The following NT5DC2 variants were observed in gnomAD, a reference collection of about 807,000 sequenced individuals.
NT5DC2 encodes 5'-nucleotidase domain-containing protein 2.
Under a neutral mutation model 70.0 loss-of-function variants are expected in NT5DC2, and 41 were observed. The ratio of observed to expected loss-of-function variants is 0.59; its 90% CI spans 0.46 to 0.76. The LOEUF (loss-of-function observed/expected upper bound fraction) is 0.76, where lower values mean the gene tolerates loss of function less well. Among genes scored for constraint, NT5DC2 ranks in the 30% least tolerant of loss-of-function variants. The pLI is 0.00. For synonymous variants in NT5DC2, 299 were observed against 310.4 expected, an observed-to-expected ratio of 0.96 and a Z score of 0.39; for missense variants, 705 against 783.2, an observed-to-expected ratio of 0.90 and a Z score of 1.19.
intron 1 of NT5DC2, among the ~76,000 whole-genome samples, chr3:52,533,101 G>A (rs1323288069): frequency 6.6e-6 from 1 of 152,188 alleles, no homozygotes; most frequent in Non-Finnish European, 1.5e-5. Context: ...AGCCCGTTCC[G>A]CCCGGCGCCG....
chr3:52,534,513 C>T (rs778753047), upstream of NT5DC2: 7 of 1,612,916 alleles, frequency 4.3e-6, no homozygotes, highest in Non-Finnish European at 4.2e-6. Flanking sequence ...GTTCGGACCT[C>T]GGCAACTGGC....
Position 52,525,120 on chromosome 3 carries a change from C to T in NT5DC2, c.1207-17G>A. 1.1e-6 allele frequency: 1 copy of T among 910,306 alleles called. No individual in the cohort carries two copies. The highest frequency in any genetic ancestry group is 6.3e-5 in the East Asian group (1 of 15,894). The allele number at this position is 910,306 out of a possible 1,614,324, so 56.4% of individuals were successfully genotyped here. On this transcript the variant is annotated splice_polypyrimidine_tract_variant and intron_variant, in intron 11 of 13. Coordinates refer to ENST00000422318, the MANE Select transcript of NT5DC2 (RefSeq NM_001134231.2). ...CATGAGATCCTGGTGGGTGGGGCGG[C>T]AGAACTGGGCTCAGCGCCAGTTGCT...
upstream of NT5DC2, chr3:52,534,577 G>A (rs2079404630): frequency 6.2e-7 from 1 of 1,613,692 alleles, no homozygotes; most frequent in African/African-American, 1.3e-5. Flanking sequence ...GTGAGATGCT[G>A]TGGTCTTTTC....
intron 1 of NT5DC2, chr3:52,532,207 G>T: frequency 1.0e-6 from 1 of 985,476 alleles, no homozygotes; most frequent in African/African-American, 1.7e-5. Context: ...TATGACAAGA[G>T]GAGCTTAGAG....
Position 52,524,724 on chromosome 3 carries a change from T to A in NT5DC2, c.1420A>T (p.Thr474Ser). The change falls in exon 14 of 14, where the codon ACC (threonine) becomes TCC (serine). Residue 474 changes from threonine to serine, a missense_variant. Physicochemically the swap from Thr to Ser is moderately conservative, Grantham distance 58. Transcript: ENST00000422318. Reference sequence around the variant, plus strand: ...AACTGCGCATTGAACAGGGCCTTGGTGATGCACCTGGCGAGGGAGACACGA... The same window carrying A: ...AACTGCGCATTGAACAGGGCCTTGGAGATGCACCTGGCGAGGGAGACACGA... ...MKERQELRCI[T>S]KALFNAQFGS... The A allele has an allele frequency of 6.2e-7, 1 of 1,612,610 alleles. No individual in the cohort carries two copies. Among genetic ancestry groups the A allele is most frequent in the Non-Finnish European group, 8.5e-7 (1 of 1,179,924 alleles).
chr3:52,534,420 C>A (rs930159573), upstream of NT5DC2: 9 of 1,566,188 alleles, frequency 5.7e-6, no homozygotes, highest in Non-Finnish European at 7.8e-6. Flanking sequence ...GGCCGAGGGG[C>A]CTGCAGGGCA....
chr3:52,525,233 C>T lies in NT5DC2; in HGVS notation c.1182G>A (p.Gly394=). ...EWRGPRVLYF[G]DHLYSDLADL... ...CCGCCAGATCACTATAGAGGTGGTCCCCGAAGTAGAGCACGCGGGGGCCAC... is the reference window on the plus strand; with the variant it reads ...CCGCCAGATCACTATAGAGGTGGTCTCCGAAGTAGAGCACGCGGGGGCCAC... The change falls in exon 11 of 14, where the codon GGG becomes GGA. Residue 394 remains glycine, a synonymous_variant. Transcript: ENST00000422318. 1.2e-6 allele frequency: 2 copies of T among 1,612,620 alleles called. No homozygotes were observed. Among genetic ancestry groups the T allele is most frequent in the Non-Finnish European group, 1.7e-6 (2 of 1,179,926 alleles).
rs185649364 is a variant in NT5DC2, at chr3:52,528,716, C to T, written c.493-24G>A. The T allele has an allele frequency of 1.7e-4, 270 of 1,606,618 alleles. 4 individuals are homozygous for T. In the East Asian group the frequency reaches 5.3e-3, roughly 32 times the overall value. ...CTCTGGGGGCGCCAGGGAGGCAGGA[C>T]GGATGGTGAGGAGGCAGTTTCACCG... On this transcript the variant is annotated intron_variant, in intron 3 of 13. Coordinates refer to ENST00000422318, the MANE Select transcript of NT5DC2 (RefSeq NM_001134231.2).
intron 1 of NT5DC2, among the ~76,000 whole-genome samples, chr3:52,530,616 G>C (rs2079347075): frequency 6.6e-6 from 1 of 152,168 alleles, no homozygotes; most frequent in South Asian, 2.1e-4. Flanking sequence ...TCAGGAGGCT[G>C]AGGCGAGAGG....
chr3:52,533,823 C>A lies in NT5DC2; in HGVS notation c.-86G>T. ...CCGCCCTCCGACTGCGCGCCCGCCA[C>A]GGTGGCCTCGTGCTCCTCACGGCGG... On this transcript the variant is annotated 5_prime_UTR_variant, in exon 1 of 14. Transcript: ENST00000422318. The A allele has an allele frequency of 1.0e-6, 1 of 980,754 alleles. No individual in the cohort carries two copies. Among genetic ancestry groups the A allele is most frequent in the Non-Finnish European group, 1.2e-6 (1 of 827,902 alleles). 60.8% of individuals were successfully genotyped at this position (980,754 alleles called of 1,614,324 possible).
At chr3:52,525,741 C>A in intron 10 of NT5DC2, 1 of 174,188 alleles carries the variant, frequency 5.7e-6, no homozygotes, top group Non-Finnish European at 1.2e-5. Context: ...CAGCCAGGCC[C>A]ACATGTAACT....
chr3:52,529,412 G>A lies in NT5DC2; in HGVS notation c.233-78C>T. The A allele has an allele frequency of 7.1e-7, 1 of 1,411,944 alleles. No individual in the cohort carries two copies. Among genetic ancestry groups the A allele is most frequent in the South Asian group, 1.2e-5 (1 of 81,824 alleles). The allele number at this position is 1,411,944 out of a possible 1,614,324, so 87.5% of individuals were successfully genotyped here. ...AGCTATGGCTCCTGAGCACTCTGTG[G>A]GGACCTAGCCCTGTGAGCCTCAGAA... On this transcript the variant is annotated intron_variant, in intron 1 of 13. Coordinates refer to ENST00000422318, the MANE Select transcript of NT5DC2 (RefSeq NM_001134231.2). This position sits in a 1 kb window ranked among gnomAD's most constrained non-coding sequence, Gnocchi z 4.1.
chr3:52,533,435 C>T, intron 1 of NT5DC2, 71 bp downstream of exon 1: 1 of 1,424,538 alleles, frequency 7.0e-7, no homozygotes, highest in Non-Finnish European at 9.3e-7. Flanking sequence ...GGAGCGGCAC[C>T]CTGGGGCTCG....
chr3:52,530,880 C>T (rs1382134754), intron 1 of NT5DC2, among the ~76,000 whole-genome samples: 1 of 152,180 alleles, frequency 6.6e-6, no homozygotes, highest in African/African-American at 2.4e-5. Context: ...GAAGCAGGGG[C>T]TGCAGGGAGA....
chr3:52,533,376 G>C (rs997211122), intron 1 of NT5DC2, 130 bp downstream of exon 1: 5 of 1,003,466 alleles, frequency 5.0e-6, no homozygotes, highest in Non-Finnish European at 6.8e-6. Flanking sequence ...AAGCCGCCCG[G>C]CCCTTGCGCT....
At chr3:52,533,477 C>G in intron 1 of NT5DC2, 29 bp downstream of exon 1, 1 of 1,491,016 alleles carries the variant, frequency 6.7e-7, no homozygotes, top group Non-Finnish European at 8.9e-7. Flanking sequence ...GAAGACACCC[C>G]GGCGCACGTC....
At chr3:52,534,463 G>T, upstream of NT5DC2, 1 of 1,609,046 alleles carries the variant, frequency 6.2e-7, no homozygotes, top group Non-Finnish European at 8.5e-7. Flanking sequence ...ACTGGGCCGT[G>T]CGCTGCAGGG....
At chr3:52,532,508 C>T (rs1424126894) in intron 1 of NT5DC2, 13 of 985,284 alleles carry the variant, frequency 1.3e-5, no homozygotes, top group Non-Finnish European at 1.6e-5. Context: ...CCCCACAAAG[C>T]CGGAGTGAAA....
chr3:52,531,623 C>A lies in NT5DC2; in HGVS notation c.232+1883G>T, dbSNP rs1232060477. Among the ~76,000 whole-genome samples the A allele has an allele frequency of 6.8e-6, 1 of 147,756 alleles. No individual in the cohort carries two copies. The highest frequency in any genetic ancestry group is 1.5e-5 in the Non-Finnish European group (1 of 67,614). Reference sequence around the variant, plus strand: ...TGGCCTGATTTCTAGACTAGAAGAACCTTGGCTCTGGGGCGACAGAAGCCT... The same window carrying A: ...TGGCCTGATTTCTAGACTAGAAGAAACTTGGCTCTGGGGCGACAGAAGCCT... On this transcript the variant is annotated intron_variant, in intron 1 of 13. Transcript: ENST00000422318. The surrounding 1 kb of genome is among the most constrained non-coding windows in gnomAD (Gnocchi z 4.1).
Sources: gnomAD v4.1 joint callset for allele counts (sites outside exome capture counted in the v4.1 genomes callset) on GRCh38, gnomAD v4.1.1 for gene constraint, Gnocchi (gnomAD v3.1) non-coding constraint, MANE v1.5 for transcripts, NCBI Gene and HGNC (gene_info 2026-07-23, HGNC 2026-07-21) for gene names.